The following LIPC variants were observed in gnomAD, a reference collection of about 807,000 sequenced individuals.
LIPC encodes the protein hepatic triacylglycerol lipase.
LIPC carries 44 observed loss-of-function variants against 50.7 expected under a neutral mutation model. The observed-to-expected ratio is 0.87, with a 90% confidence interval of 0.68 to 1.11. The LOEUF (loss-of-function observed/expected upper bound fraction) is 1.11, where lower values mean the gene tolerates loss of function less well. LIPC is among the 50% of genes most tolerant of loss of function. The pLI is 0.00. For synonymous variants in LIPC, 271 were observed against 256.4 expected (o/e 1.06, Z -0.54); for missense variants, 697 against 648.2 (o/e 1.08, Z -0.82).
intron 1 of LIPC, among the ~76,000 whole-genome samples, chr15:58,475,920 G>A (rs1890980001): frequency 1.3e-5 from 2 of 152,232 alleles, no homozygotes; most frequent in African/African-American, 4.8e-5. Flanking sequence ...AGAAAGGACT[G>A]AGTTAATTAA....
At chr15:58,474,124 G>C (rs1266254533) in intron 1 of LIPC, among the ~76,000 whole-genome samples, 1 of 152,180 alleles carries the variant, frequency 6.6e-6, no homozygotes, top group Non-Finnish European at 1.5e-5. Context: ...CTCCTTTGCT[G>C]AAATCTCCAG....
At chr15:58,495,951 G>C (rs1466396385) in intron 1 of LIPC, among the ~76,000 whole-genome samples, 1 of 152,136 alleles carries the variant, frequency 6.6e-6, no homozygotes, top group Non-Finnish European at 1.5e-5. Context: ...CAAGACTCGT[G>C]GGATTTAGAA....
At chr15:58,493,619 G>C (rs11633996) in intron 1 of LIPC, among the ~76,000 whole-genome samples, 4 of 52,984 alleles carry the variant, frequency 7.5e-5, no homozygotes, top group African/African-American at 2.1e-4. Context: ...AATTTATTAC[G>C]TATAAATAAA....
At position 58,513,772 on chromosome 15, in the gene LIPC, A is replaced by G. The variant is rs550289863; in HGVS notation, c.89-24561A>G. On this transcript the variant is annotated intron_variant, in intron 1 of 8. Coordinates refer to ENST00000299022, the MANE Select transcript of LIPC (RefSeq NM_000236.3). ...GAGAATTCTGGAGAAACCCCACGGC[A>G]GCTGGCATCTATGTCCTGGCTCCAC... Among the ~76,000 whole-genome samples the G allele has an allele frequency of 2.2e-3, 329 of 152,328 alleles. 1 individual carries two copies. The highest frequency in any genetic ancestry group is 6.9e-3 in the African/African-American group (285 of 41,578).
intron 1 of LIPC, among the ~76,000 whole-genome samples, chr15:58,488,401 C>T (rs1191748532): frequency 6.6e-6 from 1 of 152,254 alleles, no homozygotes; most frequent in Non-Finnish European, 1.5e-5. Flanking sequence ...CGCCATTCAT[C>T]TAACAGCTAT....
In LIPC at chr15:58,560,819, CT is replaced by C. The variant is rs1358882090; in HGVS notation, c.1052-44del. The stretch of plus-strand genomic sequence containing the variant: ...TAAGAGATTTTTAAATTTAAAATCA[CT>C]GCTTAAATTATCTCTCTCTTTCTCT... On this transcript the variant is annotated intron_variant, in intron 6 of 8. Transcript: ENST00000299022. The C allele has an allele frequency of 3.7e-6, 3 of 816,290 alleles. No individual in the cohort carries two copies. The African/African-American group carries it at 5.0e-5, about 14-fold the overall frequency. The allele number at this position is 816,290 out of a possible 1,614,324, so 50.6% of individuals were successfully genotyped here.
intron 1 of LIPC, among the ~76,000 whole-genome samples, chr15:58,449,962 G>A (rs968630427): frequency 3.3e-5 from 5 of 152,216 alleles, no homozygotes; most frequent in African/African-American, 7.2e-5. Flanking sequence ...AATGTCCTCC[G>A]AGGCTCTGGA....
rs77024557 is a variant in LIPC, at chr15:58,503,772, G to T, written c.89-34561G>T. ...CAGGGCACAGAGCAAGTGTCTGAGG[G>T]CAAGTCACCTGGACACAGCAGTGGC... On this transcript the variant is annotated intron_variant, in intron 1 of 8. Transcript: ENST00000299022. Among the ~76,000 whole-genome samples, 371 of 152,278 alleles carry T rather than the reference G, an allele frequency of 2.4e-3. 2 individuals are homozygous for T. The highest frequency in any genetic ancestry group is 8.0e-3 in the African/African-American group (334 of 41,548).
In LIPC at chr15:58,515,552, A is replaced by ATATATCTC. The variant is rs1321999770; in HGVS notation, c.89-22780_89-22779insATATCTCT. Among the ~76,000 whole-genome samples the ATATATCTC allele has an allele frequency of 1.5e-4, 23 of 151,052 alleles. 1 individual carries two copies. Among genetic ancestry groups the ATATATCTC allele is most frequent in the African/African-American group, 5.6e-4 (23 of 41,050 alleles). On this transcript the variant is annotated intron_variant, in intron 1 of 8. Transcript: ENST00000299022. ...CACACACATATATATATATATATAT[A>ATATATCTC]TCTCAAAATATCACCAAAACCCATA...
At chr15:58,466,303 G>C (rs538438198) in intron 1 of LIPC, among the ~76,000 whole-genome samples, 37 of 152,270 alleles carry the variant, frequency 2.4e-4, no homozygotes, top group African/African-American at 3.6e-4. Flanking sequence ...GAAGTAAAAA[G>C]GTTCTGGAAA....
At chr15:58,460,648 C>A (rs1214179823) in intron 1 of LIPC, among the ~76,000 whole-genome samples, 2 of 152,204 alleles carry the variant, frequency 1.3e-5, no homozygotes, top group Non-Finnish European at 2.9e-5. Flanking sequence ...CCAGTAAGGG[C>A]CAGGCTGGGC....
rs11332551 is a variant in LIPC at position 58,502,509 on chromosome 15, CTT to C, written c.89-35812_89-35811del. Reference sequence around the variant, plus strand: ...TGCATTGAATTCCATGTAATTTTCTCTTTTTTTTTTTTTGTTTGTTTTTATGA... The same window carrying C: ...TGCATTGAATTCCATGTAATTTTCTCTTTTTTTTTTTGTTTGTTTTTATGA... On this transcript the variant is annotated intron_variant, in intron 1 of 8. Coordinates refer to ENST00000299022, the MANE Select transcript of LIPC (RefSeq NM_000236.3). Among the ~76,000 whole-genome samples the C allele has an allele frequency of 4.9e-3, 704 of 144,590 alleles. 10 individuals are homozygous for C. Among genetic ancestry groups the C allele is most frequent in the African/African-American group, 0.017 (662 of 39,378 alleles). 94.9% of individuals were successfully genotyped at this position (144,590 alleles called of 152,430 possible).
intron 1 of LIPC, among the ~76,000 whole-genome samples, chr15:58,496,789 G>C (rs957679358): frequency 6.8e-6 from 1 of 147,906 alleles, no homozygotes; most frequent in Non-Finnish European, 1.5e-5. Flanking sequence ...CTGTCACCCA[G>C]GCTGGAGTGC....
chr15:58,489,137 G>C (rs1191300719), intron 1 of LIPC, among the ~76,000 whole-genome samples: 1 of 145,126 alleles, frequency 6.9e-6, no homozygotes, highest in Non-Finnish European at 1.5e-5. Flanking sequence ...GGTAGTATTT[G>C]AATAGCACCA....
chr15:58,435,277 G>A (rs184304277), intron 1 of LIPC: 2 of 152,302 alleles, frequency 1.3e-5, no homozygotes, highest in African/African-American at 4.8e-5. Flanking sequence ...ACCTGTTTCT[G>A]TACTCAGTCT....
At chr15:58,481,876 G>A (rs981914851) in intron 1 of LIPC, among the ~76,000 whole-genome samples, 5 of 152,172 alleles carry the variant, frequency 3.3e-5, no homozygotes, top group Non-Finnish European at 5.9e-5. Context: ...AAAAGACAAG[G>A]TGCCAACCAG....
chr15:58,471,889 G>A (rs12911658), intron 1 of LIPC, among the ~76,000 whole-genome samples: 113,875 of 152,050 alleles, frequency 0.75, 42,738 homozygotes, highest in East Asian at 0.78. Context: ...GGGCTCCCCA[G>A]TGAAGCTCCC....
intron 1 of LIPC, among the ~76,000 whole-genome samples, chr15:58,516,151 T>A (rs752751919): frequency 6.6e-6 from 1 of 152,118 alleles, no homozygotes; most frequent in Non-Finnish European, 1.5e-5. Context: ...CCCATTGTCT[T>A]CTGGTAGGCC....
chr15:58,456,692 T>C (rs73422607), intron 1 of LIPC, among the ~76,000 whole-genome samples: 3,389 of 152,340 alleles, frequency 0.022, 105 homozygotes, highest in East Asian at 0.11. Context: ...CCTCATAGCC[T>C]CAGGTAGATG....
Sources: gnomAD v4.1 joint callset for allele counts (sites outside exome capture counted in the v4.1 genomes callset) on GRCh38, gnomAD v4.1.1 for gene constraint, MANE v1.5 for transcripts, NCBI Gene and HGNC (gene_info 2026-07-23, HGNC 2026-07-21) for gene names.